STK3: variants seen among roughly 807,000 people sequenced by gnomAD.
The protein encoded by STK3 is serine/threonine-protein kinase 3.
In STK3, 41 loss-of-function variants were observed where a neutral mutation model predicts 58.0. The ratio of observed to expected loss-of-function variants is 0.71; its 90% CI spans 0.55 to 0.92. The LOEUF is 0.92. STK3 is among the 40% of genes least tolerant of loss of function. The probability of loss-of-function intolerance (pLI) is 0.00; values close to 1 mark genes in which losing one functional copy is unlikely to be tolerated. For missense variants in STK3, 479 were observed against 602.7 expected (o/e 0.79, Z 2.15); for synonymous variants, 170 against 191.0 (o/e 0.89, Z 0.91).
chr8:98,762,287 ACT>A (rs1001246585), intron 3 of STK3, among the ~76,000 whole-genome samples: 50 of 151,768 alleles, frequency 3.3e-4, no homozygotes, highest in Non-Finnish European at 1.2e-4. Flanking sequence ...ATGGAGTCTC[ACT>A]CTGTCACCCA....
intron 6 of STK3, among the ~76,000 whole-genome samples, chr8:98,631,542 G>C (rs193131398): frequency 1.1e-4 from 17 of 152,278 alleles, no homozygotes; most frequent in African/African-American, 3.9e-4. Flanking sequence ...CACCTTATTA[G>C]ACAGGCCTTT....
At chr8:98,924,223 A>G (rs1839697871) in intron 1 of STK3, among the ~76,000 whole-genome samples, 1 of 152,202 alleles carries the variant, frequency 6.6e-6, no homozygotes, top group South Asian at 2.1e-4. Flanking sequence ...GATAGCAGGG[A>G]GAACCTTGTC....
chr8:98,483,689 G>A (rs889071972), intron 10 of STK3, among the ~76,000 whole-genome samples: 2 of 152,088 alleles, frequency 1.3e-5, no homozygotes, highest in African/African-American at 4.8e-5. Context: ...GATTCTGAAG[G>A]CTCAACAAAC....
chr8:98,413,452 C>G (rs1186506762), intron 3 of STK3: 5 of 584,156 alleles, frequency 8.6e-6, no homozygotes, highest in Non-Finnish European at 1.3e-5. Flanking sequence ...GTCTTGTGTA[C>G]TGTTCTGTAA....
At chr8:98,467,456 C>T (rs1332517615) in intron 10 of STK3, among the ~76,000 whole-genome samples, 1 of 151,996 alleles carries the variant, frequency 6.6e-6, no homozygotes, top group Non-Finnish European at 1.5e-5. Context: ...TTAACACCTG[C>T]TGTTTTCAGC....
At chr8:98,451,910 A>ACC (rs1474596684), downstream of STK3, among the ~76,000 whole-genome samples, 26 of 148,920 alleles carry the variant, frequency 1.7e-4, no homozygotes, top group Non-Finnish European at 2.8e-4. Flanking sequence ...AAAAAAAAAA[A>ACC]CCCTGGTACT....
At chr8:98,905,161 C>G (rs1838842208) in intron 1 of STK3, 1 of 1,273,530 alleles carries the variant, frequency 7.9e-7, no homozygotes. Context: ...CAGTGACCTT[C>G]TTTCTTACAC....
At chr8:98,769,295 G>T (rs1192977486) in intron 2 of STK3, among the ~76,000 whole-genome samples, 1 of 152,186 alleles carries the variant, frequency 6.6e-6, no homozygotes, top group Non-Finnish European at 1.5e-5. Context: ...ATTCCCACCT[G>T]TTGTGGTAGG....
intron 4 of STK3, among the ~76,000 whole-genome samples, chr8:98,725,033 A>T (rs532371007): frequency 6.0e-4 from 92 of 152,310 alleles, no homozygotes; most frequent in African/African-American, 2.2e-3. Context: ...CCACAACACA[A>T]ATATGCCAAT....
intron 3 of STK3, among the ~76,000 whole-genome samples, chr8:98,840,316 C>A (rs1233290499): frequency 6.9e-6 from 1 of 145,124 alleles, no homozygotes; most frequent in Non-Finnish European, 1.5e-5. Context: ...CACTCCACTG[C>A]ACTCCAGCCT....
At chr8:98,909,228 T>C (rs902887715) in intron 1 of STK3, among the ~76,000 whole-genome samples, 1 of 152,228 alleles carries the variant, frequency 6.6e-6, no homozygotes, top group Non-Finnish European at 1.5e-5. Context: ...TTTTATTTTA[T>C]ACAGGCTCCT....
Position 98,385,095 on chromosome 8 carries a change from C to T in STK3, n.56+3097G>A, listed in dbSNP as rs530019829. Among the ~76,000 whole-genome samples the T allele has an allele frequency of 4.6e-5, 7 of 152,212 alleles. No homozygotes were observed. In the South Asian group the frequency reaches 1.0e-3, roughly 23 times the overall value. On this transcript the variant is annotated intron_variant and non_coding_transcript_variant, in intron 1 of 2. Coordinates refer to the STK3 transcript ENST00000518704. ...AAGCCAGTCATCAGTTTTCATCATA[C>T]CCCTTTTCCCCAGGAGAGAAATATT... is the stretch of plus-strand genomic sequence containing the variant.
rs552820464 is a variant in STK3, at chr8:98,871,125, G to C, written c.110+12522C>G. ...AATCCTTTCCCCATTTCTTGTTTTT[G>C]TCATGTTTGTCAAAGATCAGATGGT... On this transcript the variant is annotated intron_variant, in intron 3 of 12. Coordinates refer to the STK3 transcript ENST00000523601. Among the ~76,000 whole-genome samples the C allele has an allele frequency of 9.4e-3, 1,437 of 152,096 alleles. 16 individuals are homozygous for C. The highest frequency in any genetic ancestry group is 0.029 in the South Asian group (141 of 4,818).
chr8:98,466,768 T>C (rs1820498205), intron 10 of STK3, among the ~76,000 whole-genome samples: 1 of 152,274 alleles, frequency 6.6e-6, no homozygotes, highest in East Asian at 1.9e-4. Flanking sequence ...ACCCCTTTTA[T>C]AGAGGGGCTG....
intron 10 of STK3, among the ~76,000 whole-genome samples, chr8:98,495,413 A>G (rs1334766833): frequency 6.6e-6 from 1 of 151,974 alleles, no homozygotes; most frequent in East Asian, 1.9e-4. Context: ...AAGGCCATGG[A>G]CAGCAACCTA....
intron 4 of STK3, among the ~76,000 whole-genome samples, chr8:98,743,689 T>C (rs1829416058): frequency 6.6e-6 from 1 of 151,954 alleles, no homozygotes; most frequent in African/African-American, 2.4e-5. Context: ...GGACTTCATG[T>C]CTAAAACACC....
the STK3 span, among the ~76,000 whole-genome samples, chr8:98,345,733 T>A: frequency 4.5e-4 from 69 of 152,222 alleles, no homozygotes; most frequent in Non-Finnish European, 8.2e-4. Flanking sequence ...GATGTTGGAA[T>A]TAGCAGAACA....
intron 10 of STK3, among the ~76,000 whole-genome samples, chr8:98,517,736 CTTTA>C (rs1010031783): frequency 2.0e-5 from 3 of 151,946 alleles, no homozygotes; most frequent in Admixed American, 6.6e-5. Flanking sequence ...AAATCGAATG[CTTTA>C]TTTATTTCAA....
At chr8:98,786,474 G>A (rs1339211718) in intron 1 of STK3, among the ~76,000 whole-genome samples, 3 of 152,106 alleles carry the variant, frequency 2.0e-5, no homozygotes, top group Admixed American at 6.5e-5. Context: ...CCTGAGCCTG[G>A]GAGTTCAAGG....
Sources: allele counts gnomAD v4.1 joint callset (sites outside exome capture counted in the v4.1 genomes callset), GRCh38; gene constraint gnomAD v4.1.1; transcripts MANE v1.5; gene names NCBI Gene and HGNC (gene_info 2026-07-23, HGNC 2026-07-21).